Variants in SOX5 observed in about 807,000 individuals in gnomAD.
SOX5 encodes the protein SRY-box transcription factor 5, also known as transcription factor SOX-5.
Under a neutral mutation model 92.0 loss-of-function variants are expected in SOX5, and 9 were observed. That is an observed-to-expected ratio of 0.10 (90% CI 0.06 to 0.17). SOX5 has a LOEUF of 0.17. SOX5 is among the 10% of genes least tolerant of loss of function. The pLI is 1.00. For synonymous variants in SOX5, 344 were observed against 336.3 expected (o/e 1.02, Z -0.25); for missense variants, 642 against 944.5 (o/e 0.68, Z 4.20).
chr12:24,117,063 CAGATA>C (rs1948090142), intron 4 of SOX5, among the ~76,000 whole-genome samples: 1 of 150,040 alleles, frequency 6.7e-6, no homozygotes, highest in South Asian at 2.1e-4. Context: ...AACCATACAT[CAGATA>C]AGAGACTAAT....
upstream of SOX5, among the ~76,000 whole-genome samples, chr12:23,955,543 G>T (rs892808691): frequency 6.6e-6 from 1 of 152,164 alleles, no homozygotes; most frequent in African/African-American, 2.4e-5. Context: ...CTTATAGAAA[G>T]AATCGATTAT....
intron 2 of SOX5, among the ~76,000 whole-genome samples, chr12:24,323,125 A>G (rs1357972110): frequency 6.6e-6 from 1 of 152,002 alleles, no homozygotes; most frequent in Non-Finnish European, 1.5e-5. Context: ...AAACCTGCAC[A>G]TTTAGAACCT....
At chr12:24,094,129 T>C (rs1007564999) in intron 4 of SOX5, among the ~76,000 whole-genome samples, 2 of 152,044 alleles carry the variant, frequency 1.3e-5, no homozygotes, top group African/African-American at 4.8e-5. Flanking sequence ...GTATATTTAG[T>C]AGAGAGGGGG....
chr12:23,997,868 C>T (rs187573650), intron 4 of SOX5, among the ~76,000 whole-genome samples: 2 of 152,226 alleles, frequency 1.3e-5, no homozygotes, highest in East Asian at 1.9e-4. Flanking sequence ...ATCAGTTATA[C>T]CCATTAGAGA....
intron 1 of SOX5, among the ~76,000 whole-genome samples, chr12:24,399,939 G>GA (rs1961110441): frequency 6.6e-6 from 1 of 152,138 alleles, no homozygotes; most frequent in African/African-American, 2.4e-5. Flanking sequence ...GTAGCGTAAG[G>GA]AAAATTTGCT....
intron 11 of SOX5, among the ~76,000 whole-genome samples, chr12:23,551,038 G>GTA (rs1346310774): frequency 6.6e-6 from 1 of 151,904 alleles, no homozygotes; most frequent in Non-Finnish European, 1.5e-5. Flanking sequence ...GATAGGCTAT[G>GTA]GATCAGCTAT....
At chr12:23,979,710 T>G (rs1306819644) in intron 4 of SOX5, among the ~76,000 whole-genome samples, 14 of 102,950 alleles carry the variant, frequency 1.4e-4, no homozygotes, top group Non-Finnish European at 1.6e-4. Context: ...TTTTTTTGTT[T>G]TTTTTTTTTT....
In SOX5 at chr12:24,488,176, ACT is replaced by A. The variant is rs1370099072; in HGVS notation, c.-251+74151_-251+74152del. ...AGTGTGACTTAAAATGTTTGCTTTT[ACT>A]TAAGGTTAAAAAAAATTATTCAACT... On this transcript the variant is annotated intron_variant, in intron 1 of 4. Coordinates refer to the SOX5 transcript ENST00000446891. 2.1e-5 allele frequency among the ~76,000 whole-genome samples: 3 copies of A among 140,560 alleles called. No individual in the cohort carries two copies. In the East Asian group the frequency reaches 1.0e-3, roughly 48 times the overall value. 92.2% of individuals were successfully genotyped at this position (140,560 alleles called of 152,430 possible).
chr12:23,993,698 G>A (rs1412091709), intron 4 of SOX5, among the ~76,000 whole-genome samples: 2 of 152,126 alleles, frequency 1.3e-5, no homozygotes, highest in African/African-American at 4.8e-5. Context: ...GAAAAGTGTA[G>A]TGACAGAAAA....
rs1424319734 is a variant in SOX5 at position 24,489,408 on chromosome 12, C to G, written c.-251+72921G>C. Among the ~76,000 whole-genome samples the G allele has an allele frequency of 2.0e-4, 31 of 152,098 alleles. 1 individual carries two copies. Among genetic ancestry groups the G allele is most frequent in the Admixed American group, 2.0e-3 (31 of 15,264 alleles). On this transcript the variant is annotated intron_variant, in intron 1 of 4. Coordinates refer to the SOX5 transcript ENST00000446891. ...CTGTTTGGGAGTGGGAGCTTGCTTC[C>G]TTTCCCTGGGGGTCTAAGTGGACTT...
chr12:23,627,927 T>C (rs2078044457), intron 8 of SOX5, among the ~76,000 whole-genome samples: 2 of 151,974 alleles, frequency 1.3e-5, no homozygotes, highest in African/African-American at 4.8e-5. Context: ...ACCGTGCAAA[T>C]ATTCTATGTA....
intron 1 of SOX5, among the ~76,000 whole-genome samples, chr12:23,912,216 G>A (rs2138438362): frequency 6.6e-6 from 1 of 152,146 alleles, no homozygotes; most frequent in Non-Finnish European, 1.5e-5. Flanking sequence ...CTCCCCAGAA[G>A]ATATACAAAT....
At chr12:23,608,118 A>G (rs2075490511) in intron 8 of SOX5, among the ~76,000 whole-genome samples, 1 of 141,414 alleles carries the variant, frequency 7.1e-6, no homozygotes, top group Admixed American at 6.9e-5. Context: ...GAAAAAAGAA[A>G]AAAAAAAAAA....
intron 1 of SOX5, among the ~76,000 whole-genome samples, chr12:24,485,001 C>T (rs1401365543): frequency 1.3e-5 from 2 of 151,972 alleles, no homozygotes; most frequent in African/African-American, 4.8e-5. Flanking sequence ...AAAAGTTGAT[C>T]CAGGAGTTGG....
intron 1 of SOX5, among the ~76,000 whole-genome samples, chr12:24,469,724 G>A (rs540867675): frequency 1.0e-3 from 157 of 152,238 alleles, no homozygotes; most frequent in African/African-American, 3.6e-3. Context: ...GTGGGTGCTC[G>A]AAAAACTATA....
intron 4 of SOX5, among the ~76,000 whole-genome samples, chr12:24,153,993 C>A (rs140426205): frequency 0.017 from 2,567 of 152,178 alleles, 27 homozygotes; most frequent in Middle Eastern, 0.037. Flanking sequence ...TGAGAAGGAA[C>A]ATTCCATCTT....
At chr12:24,324,512 T>C (rs1043767773) in intron 2 of SOX5, among the ~76,000 whole-genome samples, 10 of 152,198 alleles carry the variant, frequency 6.6e-5, no homozygotes, top group African/African-American at 2.4e-4. Context: ...CAAAGAAAAG[T>C]TTTTGCAATA....
chr12:23,859,985 G>A (rs923212241), intron 2 of SOX5, among the ~76,000 whole-genome samples: 4 of 152,168 alleles, frequency 2.6e-5, no homozygotes, highest in Non-Finnish European at 4.4e-5. Flanking sequence ...ATGAGGTCAT[G>A]TCTTTTGAGG....
chr12:23,977,832 G>C (rs1239802146), intron 4 of SOX5, among the ~76,000 whole-genome samples: 1 of 151,994 alleles, frequency 6.6e-6, no homozygotes, highest in Non-Finnish European at 1.5e-5. Flanking sequence ...CCCACCTATT[G>C]GTTCTAACTC....
Sources: gnomAD v4.1 joint callset for allele counts (sites outside exome capture counted in the v4.1 genomes callset) on GRCh38, gnomAD v4.1.1 for gene constraint, MANE v1.5 for transcripts, NCBI Gene and HGNC (gene_info 2026-07-23, HGNC 2026-07-21) for gene names.